Variants in SH3RF1 observed in about 807,000 individuals in gnomAD.
SH3RF1 encodes the protein E3 ubiquitin-protein ligase SH3RF1.
In SH3RF1, 32 loss-of-function variants were observed where a neutral mutation model predicts 74.0. That is an observed-to-expected ratio of 0.43 (90% CI 0.33 to 0.58). The LOEUF is 0.58. Among genes scored for constraint, SH3RF1 ranks in the 20% least tolerant of loss-of-function variants. The pLI is 0.05. For missense variants in SH3RF1, 954 were observed against 1,130.9 expected (o/e 0.84, Z 2.24); for synonymous variants, 396 against 439.6 (o/e 0.90, Z 1.24).
intron 2 of SH3RF1, among the ~76,000 whole-genome samples, chr4:169,213,830 A>C (rs567136846): frequency 1.3e-5 from 2 of 152,300 alleles, no homozygotes; most frequent in South Asian, 4.1e-4. Flanking sequence ...GACTATATTT[A>C]TGTGAGTCTA....
chr4:169,115,040 T>G (rs1207256512), intron 10 of SH3RF1, among the ~76,000 whole-genome samples: 1 of 152,214 alleles, frequency 6.6e-6, no homozygotes, highest in Non-Finnish European at 1.5e-5. Context: ...TTTTTACATT[T>G]AACAACTCTC....
intron 2 of SH3RF1, among the ~76,000 whole-genome samples, chr4:169,197,271 G>A (rs1734829194): frequency 1.3e-5 from 2 of 152,068 alleles, no homozygotes; most frequent in Non-Finnish European, 2.9e-5. Context: ...CAAAGTGCTA[G>A]GATTATAGAC....
At chr4:169,135,834 T>C (rs1733690556) in intron 5 of SH3RF1, among the ~76,000 whole-genome samples, 1 of 152,230 alleles carries the variant, frequency 6.6e-6, no homozygotes, top group Admixed American at 6.5e-5. Context: ...CTAATTTAAA[T>C]TAAATGCTTC....
chr4:169,124,565 G>T (rs564075935), intron 6 of SH3RF1, among the ~76,000 whole-genome samples: 30 of 152,306 alleles, frequency 2.0e-4, no homozygotes, highest in South Asian at 8.3e-4. Flanking sequence ...AACATAAATG[G>T]TTTAATACAA....
chr4:169,119,123 G>C (rs1016089481), intron 8 of SH3RF1, among the ~76,000 whole-genome samples: 1 of 151,086 alleles, frequency 6.6e-6, no homozygotes, highest in Non-Finnish European at 1.5e-5. Context: ...TTTTTCCTTA[G>C]GATGGAGTCT....
At chr4:169,260,684 G>A (rs1345760965) in intron 2 of SH3RF1, among the ~76,000 whole-genome samples, 3 of 152,064 alleles carry the variant, frequency 2.0e-5, no homozygotes, top group South Asian at 2.1e-4. Flanking sequence ...CTTCAGTCAC[G>A]CAAAAGAGAA....
At chr4:169,188,784 T>C (rs773663421) in intron 2 of SH3RF1, among the ~76,000 whole-genome samples, 2 of 152,230 alleles carry the variant, frequency 1.3e-5, no homozygotes, top group African/African-American at 2.4e-5. Flanking sequence ...AATAATTTCT[T>C]CCATACTCCC....
At chr4:169,243,668 T>A (rs1329401984) in intron 2 of SH3RF1, among the ~76,000 whole-genome samples, 1 of 152,272 alleles carries the variant, frequency 6.6e-6, no homozygotes, top group African/African-American at 2.4e-5. Flanking sequence ...ATTTCATTCA[T>A]GCCACAAGGT....
chr4:169,211,361 A>G (rs1363878179), intron 2 of SH3RF1, among the ~76,000 whole-genome samples: 1 of 152,084 alleles, frequency 6.6e-6, no homozygotes, highest in Non-Finnish European at 1.5e-5. Context: ...AGACGCCTGT[A>G]GCCCCAGCTA....
At chr4:169,253,403 C>T (rs1446224650) in intron 2 of SH3RF1, among the ~76,000 whole-genome samples, 1 of 152,186 alleles carries the variant, frequency 6.6e-6, no homozygotes, top group Non-Finnish European at 1.5e-5. Context: ...CACAGAGAAT[C>T]CAGCCTTGCA....
chr4:169,127,142 G>C (rs1033318985), intron 6 of SH3RF1, among the ~76,000 whole-genome samples: 1 of 152,110 alleles, frequency 6.6e-6, no homozygotes, highest in African/African-American at 2.4e-5. Context: ...TTTGATGTCT[G>C]AATTAGATAC....
chr4:169,212,402 T>A (rs1316776974), intron 2 of SH3RF1, among the ~76,000 whole-genome samples: 1 of 152,178 alleles, frequency 6.6e-6, no homozygotes, highest in African/African-American at 2.4e-5. Context: ...AAATATTTAA[T>A]CAATTACAAA....
At chr4:169,242,985 G>T (rs1236199158) in intron 2 of SH3RF1, among the ~76,000 whole-genome samples, 3 of 152,192 alleles carry the variant, frequency 2.0e-5, no homozygotes, top group Non-Finnish European at 2.9e-5. Flanking sequence ...TTCTAATGCA[G>T]GTGGTCCTTG....
intron 8 of SH3RF1, among the ~76,000 whole-genome samples, chr4:169,118,931 A>G (rs1054636929): frequency 6.6e-6 from 1 of 152,214 alleles, no homozygotes; most frequent in Non-Finnish European, 1.5e-5. Context: ...AGTTCAGTAT[A>G]GTTTTGTGTA....
rs34108534 is a variant in SH3RF1 at position 169,212,057 on chromosome 4, C to CTTTTTTT, written c.394-55385_394-55379dup. On this transcript the variant is annotated intron_variant, in intron 2 of 11. Transcript: ENST00000284637. Reference sequence around the variant, plus strand: ...TTCTAATTTTTTTTTCTTTTCTTTTCTTTTTTTTTTTTTTTTTTTTTTTTG... The same window carrying CTTTTTTT: ...TTCTAATTTTTTTTTCTTTTCTTTTCTTTTTTTTTTTTTTTTTTTTTTTTTTTTTTTG... 1.8e-3 allele frequency among the ~76,000 whole-genome samples: 88 copies of CTTTTTTT among 48,264 alleles called. 1 individual carries two copies. The highest frequency in any genetic ancestry group is 4.5e-3 in the African/African-American group (49 of 10,888). The allele number at this position is 48,264 out of a possible 152,430, so 31.7% of individuals were successfully genotyped here.
At chr4:169,228,166 A>C (rs1379561563) in intron 2 of SH3RF1, among the ~76,000 whole-genome samples, 1 of 152,224 alleles carries the variant, frequency 6.6e-6, no homozygotes, top group African/African-American at 2.4e-5. Flanking sequence ...GCAAGAATTA[A>C]AAATCTGCAC....
At chr4:169,106,381 A>G (rs985375727) in intron 11 of SH3RF1, among the ~76,000 whole-genome samples, 2 of 152,018 alleles carry the variant, frequency 1.3e-5, no homozygotes, top group Non-Finnish European at 2.9e-5. Flanking sequence ...GCCCAAGACA[A>G]TTCTTCCTTC....
At chr4:169,126,919 G>A (rs1418947972) in intron 6 of SH3RF1, among the ~76,000 whole-genome samples, 1 of 152,204 alleles carries the variant, frequency 6.6e-6, no homozygotes, top group Non-Finnish European at 1.5e-5. Context: ...AATGCAATCT[G>A]TTTATAAATT....
At chr4:169,105,744 G>A (rs1016460580) in intron 11 of SH3RF1, among the ~76,000 whole-genome samples, 3 of 152,128 alleles carry the variant, frequency 2.0e-5, no homozygotes, top group Admixed American at 1.3e-4. Flanking sequence ...AAATTAGCTG[G>A]GAATGGTGGC....
Sources: allele counts gnomAD v4.1 joint callset (sites outside exome capture counted in the v4.1 genomes callset), GRCh38; gene constraint gnomAD v4.1.1; transcripts MANE v1.5; gene names NCBI Gene and HGNC (gene_info 2026-07-23, HGNC 2026-07-21).